RBFOX1: variants seen among roughly 807,000 people sequenced by gnomAD.
The protein encoded by RBFOX1 is RNA binding protein fox-1 homolog 1.
In RBFOX1, 8 loss-of-function variants were observed where a neutral mutation model predicts 57.7. The observed-to-expected ratio is 0.14, with a 90% confidence interval of 0.08 to 0.25. RBFOX1 has a LOEUF of 0.25. RBFOX1 is among the 10% of genes least tolerant of loss of function. RBFOX1 has a pLI of 1.00. For synonymous variants in RBFOX1, 326 were observed against 222.4 expected (o/e 1.47, Z -4.15); for missense variants, 611 against 548.5 (o/e 1.11, Z -1.14).
chr16:7,585,582 G>A (rs2152881168), intron 6 of RBFOX1, among the ~76,000 whole-genome samples: 1 of 152,240 alleles, frequency 6.6e-6, no homozygotes, highest in East Asian at 1.9e-4. Context: ...ATAGTGTATG[G>A]GTCCTGAGGA....
chr16:7,218,469 A>G (rs1303187589), intron 4 of RBFOX1, among the ~76,000 whole-genome samples: 2 of 152,196 alleles, frequency 1.3e-5, no homozygotes, highest in East Asian at 3.9e-4. Context: ...GAGCTCATAC[A>G]GAAGAGGCAT....
In RBFOX1 at chr16:5,884,861, C is replaced by G. The variant is rs564052548; in HGVS notation, c.351+17526C>G. On this transcript the variant is annotated intron_variant, in intron 4 of 19. Transcript: ENST00000641259. ...TTGGTGCTCTGGAGGCAAAGTGTGGCACGAGCTTGGAGTGTCTTTCTCCCA... is the reference window on the plus strand; with the variant it reads ...TTGGTGCTCTGGAGGCAAAGTGTGGGACGAGCTTGGAGTGTCTTTCTCCCA... Among the ~76,000 whole-genome samples, 298 of 152,210 alleles carry G rather than the reference C, an allele frequency of 2.0e-3. 2 individuals carry two copies. The highest frequency in any genetic ancestry group is 3.5e-3 in the Non-Finnish European group (236 of 68,028).
At chr16:6,767,112 G>C (rs1394631750) in intron 3 of RBFOX1, among the ~76,000 whole-genome samples, 2 of 151,820 alleles carry the variant, frequency 1.3e-5, no homozygotes, top group African/African-American at 2.4e-5. Flanking sequence ...TTTTCTTAGG[G>C]GACCACCTCT....
At chr16:5,776,552 A>G (rs986798888) in intron 3 of RBFOX1, among the ~76,000 whole-genome samples, 12 of 152,252 alleles carry the variant, frequency 7.9e-5, no homozygotes, top group Non-Finnish European at 1.6e-4. Flanking sequence ...ACTAGTCTGC[A>G]CCACGTACTG....
chr16:7,612,718 G>T (rs1422061970), intron 10 of RBFOX1, among the ~76,000 whole-genome samples: 1 of 152,034 alleles, frequency 6.6e-6, no homozygotes, highest in Non-Finnish European at 1.5e-5. Flanking sequence ...AATAAGTAAA[G>T]CAAAATCAAA....
intron 2 of RBFOX1, among the ~76,000 whole-genome samples, chr16:6,594,285 T>C (rs1051846869): frequency 1.3e-5 from 2 of 152,198 alleles, no homozygotes; most frequent in African/African-American, 4.8e-5. Flanking sequence ...CAGAACCATC[T>C]AGACAGCCAT....
intron 1 of RBFOX1, among the ~76,000 whole-genome samples, chr16:5,411,957 A>T (rs560301): frequency 1.3e-5 from 2 of 152,090 alleles, no homozygotes; most frequent in South Asian, 4.2e-4. Flanking sequence ...TGTTAAACTC[A>T]ACAGATCTCA....
intron 3 of RBFOX1, among the ~76,000 whole-genome samples, chr16:6,829,163 GTT>G (rs1362833057): frequency 4.6e-5 from 7 of 151,110 alleles, no homozygotes; most frequent in African/African-American, 1.7e-4. Flanking sequence ...GGGTGTAGAA[GTT>G]TCAAGAAACC....
rs571425245 is a variant in RBFOX1 at position 6,976,519 on chromosome 16, G to T, written c.-15-75538G>T. Among the ~76,000 whole-genome samples, 60 of 152,154 alleles carry T rather than the reference G, an allele frequency of 3.9e-4. 1 individual carries two copies. The highest frequency in any genetic ancestry group is 1.4e-3 in the African/African-American group (59 of 41,486). ...GATCTCACACCAGAAAGAATTTGGGGTGAGTCCACGGTGCAAACTAAAAAA... is the reference window on the plus strand; with the variant it reads ...GATCTCACACCAGAAAGAATTTGGGTTGAGTCCACGGTGCAAACTAAAAAA... On this transcript the variant is annotated intron_variant, in intron 3 of 15. Transcript: ENST00000550418.
At chr16:6,323,784 T>G (rs1209683069) in intron 2 of RBFOX1, among the ~76,000 whole-genome samples, 1 of 152,196 alleles carries the variant, frequency 6.6e-6, no homozygotes, top group African/African-American at 2.4e-5. Context: ...TGTGCTTTTT[T>G]TTTTTTGAGA....
At chr16:6,608,449 T>C (rs2097980844) in intron 2 of RBFOX1, among the ~76,000 whole-genome samples, 1 of 152,210 alleles carries the variant, frequency 6.6e-6, no homozygotes, top group Non-Finnish European at 1.5e-5. Flanking sequence ...CCCTTATTCG[T>C]TTCCTGTTAC....
intron 2 of RBFOX1, among the ~76,000 whole-genome samples, chr16:6,528,035 C>T (rs374225341): frequency 3.0e-4 from 46 of 152,044 alleles, no homozygotes; most frequent in Middle Eastern, 3.2e-3. Context: ...GTTGAATTTC[C>T]TTCTACCTTA....
chr16:6,218,750 C>T (rs2097352383), intron 1 of RBFOX1, among the ~76,000 whole-genome samples: 1 of 152,132 alleles, frequency 6.6e-6, no homozygotes, highest in Admixed American at 6.5e-5. Flanking sequence ...GGAACTTCCA[C>T]TGGTTCCCGG....
intron 1 of RBFOX1, among the ~76,000 whole-genome samples, chr16:6,193,442 G>A (rs1428549197): frequency 9.6e-6 from 1 of 104,576 alleles, no homozygotes; most frequent in African/African-American, 3.2e-5. Context: ...CAGTGAGAAG[G>A]TTAGTAGGAA....
At chr16:6,623,560 C>A (rs1391335973) in intron 2 of RBFOX1, among the ~76,000 whole-genome samples, 1 of 151,886 alleles carries the variant, frequency 6.6e-6, no homozygotes, top group Non-Finnish European at 1.5e-5. Flanking sequence ...CGTCATTTAA[C>A]ATTAGGTATA....
intron 1 of RBFOX1, among the ~76,000 whole-genome samples, chr16:6,214,285 C>G (rs2097316863): frequency 6.6e-6 from 1 of 151,592 alleles, no homozygotes; most frequent in Non-Finnish European, 1.5e-5. Context: ...TTAGGAATCT[C>G]CAAGGATGAA....
intron 5 of RBFOX1, among the ~76,000 whole-genome samples, chr16:7,543,356 T>C (rs2083471613): frequency 6.6e-6 from 1 of 152,214 alleles, no homozygotes; most frequent in Non-Finnish European, 1.5e-5. Context: ...TGAGATCTGA[T>C]AGAAATTACA....
intron 2 of RBFOX1, among the ~76,000 whole-genome samples, chr16:6,334,042 T>C (rs1468844591): frequency 7.9e-5 from 12 of 152,174 alleles, no homozygotes; most frequent in African/African-American, 4.8e-5. Context: ...AGGATTTTTC[T>C]AGAGAAATAT....
intron 2 of RBFOX1, among the ~76,000 whole-genome samples, chr16:6,449,922 G>C (rs2153042206): frequency 6.6e-6 from 1 of 152,288 alleles, no homozygotes; most frequent in Non-Finnish European, 1.5e-5. Flanking sequence ...TCCAGATGCT[G>C]TAAAACTTCA....
Sources: allele counts gnomAD v4.1 joint callset (sites outside exome capture counted in the v4.1 genomes callset), GRCh38; gene constraint gnomAD v4.1.1; transcripts MANE v1.5; gene names NCBI Gene and HGNC (gene_info 2026-07-23, HGNC 2026-07-21).